AKT3: variants seen among roughly 807,000 people sequenced by gnomAD.
AKT3 encodes the protein RAC-gamma serine/threonine-protein kinase.
Under a neutral mutation model 65.3 loss-of-function variants are expected in AKT3, and 15 were observed. That is an observed-to-expected ratio of 0.23 (90% CI 0.15 to 0.35). The LOEUF (loss-of-function observed/expected upper bound fraction) is 0.35. AKT3 is among the 10% of genes least tolerant of loss of function. AKT3 has a pLI of 1.00. For synonymous variants in AKT3, 206 were observed against 183.8 expected (o/e 1.12, Z -0.98); for missense variants, 243 against 576.5 (o/e 0.42, Z 5.92).
At chr1:243,843,430 A>G in intron 1 of AKT3, 148 bp from the exon 2 acceptor site, 1 of 1,092,178 alleles carries the variant, frequency 9.2e-7, no homozygotes, top group Non-Finnish European at 1.2e-6. Flanking sequence ...TATTTATTAA[A>G]TAGTTCTATA....
At chr1:243,533,465 A>C (rs771676174) in intron 12 of AKT3, among the ~76,000 whole-genome samples, 3 of 152,246 alleles carry the variant, frequency 2.0e-5, no homozygotes, top group Non-Finnish European at 4.4e-5. Flanking sequence ...TGGCAATTGT[A>C]CTATCTGTGA....
intron 2 of AKT3, chr1:243,740,767 T>C (rs1244265320): frequency 6.6e-6 from 1 of 152,218 alleles, no homozygotes; most frequent in Admixed American, 6.5e-5. Context: ...AGCAGGTCAT[T>C]TGGCTCTCAA....
intron 12 of AKT3, among the ~76,000 whole-genome samples, chr1:243,544,691 G>C (rs935510401): frequency 1.5e-5 from 1 of 65,700 alleles, no homozygotes; most frequent in African/African-American, 3.5e-5. Context: ...ATTAGTAGTG[G>C]TTTTTTGTTT....
At chr1:243,781,994 T>G (rs1223249397) in intron 2 of AKT3, among the ~76,000 whole-genome samples, 1 of 152,138 alleles carries the variant, frequency 6.6e-6, no homozygotes, top group African/African-American at 2.4e-5. Context: ...AGCTAACTTT[T>G]GTATTTTTTG....
At chr1:243,705,015 C>T (rs320341) in intron 2 of AKT3, among the ~76,000 whole-genome samples, 7,171 of 152,080 alleles carry the variant, frequency 0.047, 578 homozygotes, top group African/African-American at 0.16. Context: ...GTTGTGCTTC[C>T]GAGATGTCTT....
intron 2 of AKT3, among the ~76,000 whole-genome samples, chr1:243,768,270 T>C (rs1265604644): frequency 6.6e-6 from 1 of 152,008 alleles, no homozygotes; most frequent in Admixed American, 6.6e-5. Context: ...GTGACACAAG[T>C]AGGAGCTTAT....
intron 2 of AKT3, among the ~76,000 whole-genome samples, chr1:243,823,726 C>T (rs1238853609): frequency 6.6e-6 from 1 of 151,816 alleles, no homozygotes; most frequent in African/African-American, 2.4e-5. Context: ...AAGTGAAGGA[C>T]CTTTTCAAGG....
At chr1:243,832,717 G>C (rs944719616) in intron 2 of AKT3, among the ~76,000 whole-genome samples, 1 of 152,110 alleles carries the variant, frequency 6.6e-6, no homozygotes, top group Non-Finnish European at 1.5e-5. Flanking sequence ...CTAGTTTGAA[G>C]AGACAGAGTT....
intron 2 of AKT3, among the ~76,000 whole-genome samples, chr1:243,768,361 C>T (rs1357720075): frequency 6.6e-6 from 1 of 152,094 alleles, no homozygotes; most frequent in Non-Finnish European, 1.5e-5. Flanking sequence ...CCATTGCTAA[C>T]AGTTTTTTCA....
At position 243,587,626 on chromosome 1, in the gene AKT3, AATAC is replaced by A. The variant is rs898804466; in HGVS notation, c.697-14582_697-14579del. Among the ~76,000 whole-genome samples, 6 of 152,084 alleles carry A rather than the reference AATAC, an allele frequency of 3.9e-5. No individual in the cohort carries two copies. The South Asian group carries it at 8.3e-4, about 21-fold the overall frequency. On this transcript the variant is annotated intron_variant, in intron 8 of 13. Transcript: ENST00000673466. ...ACTCCGTCTCAAAAATACATACATA[AATAC>A]ATACATACATACATAAAAATATAGA...
intron 8 of AKT3, among the ~76,000 whole-genome samples, chr1:243,595,907 A>G (rs1400132366): frequency 2.2e-4 from 33 of 152,226 alleles, no homozygotes; most frequent in Admixed American, 2.2e-3. Flanking sequence ...AAGAAGTAAC[A>G]CAGTCATGTA....
intron 9 of AKT3, 72 bp downstream of exon 9, chr1:243,572,854 T>TTGTGTGTG: frequency 7.1e-7 from 1 of 1,416,836 alleles, no homozygotes; most frequent in Non-Finnish European, 9.4e-7. Flanking sequence ...CTGTATAACT[T>TTGTGTGTG]TGTAATTACT....
chr1:243,562,152 G>A (rs998419026), intron 10 of AKT3, among the ~76,000 whole-genome samples: 2 of 152,126 alleles, frequency 1.3e-5, no homozygotes, highest in African/African-American at 4.8e-5. Flanking sequence ...CCATAAAAAG[G>A]AATGAAATAA....
At chr1:243,759,880 G>T (rs1373343406) in intron 2 of AKT3, among the ~76,000 whole-genome samples, 2 of 152,170 alleles carry the variant, frequency 1.3e-5, no homozygotes, top group African/African-American at 2.4e-5. Flanking sequence ...AATTTAAAAT[G>T]TAAGACAAAA....
intron 12 of AKT3, among the ~76,000 whole-genome samples, chr1:243,521,500 G>T (rs1431627781): frequency 6.6e-6 from 1 of 152,166 alleles, no homozygotes; most frequent in Non-Finnish European, 1.5e-5. Context: ...TGGGTATGTG[G>T]CATACATTAT....
intron 2 of AKT3, among the ~76,000 whole-genome samples, chr1:243,701,795 G>A (rs895255689): frequency 1.3e-5 from 2 of 151,924 alleles, no homozygotes; most frequent in Non-Finnish European, 1.5e-5. Flanking sequence ...AGTCTTCAAA[G>A]CTAATCACTG....
At chr1:243,617,719 G>T (rs1678437007) in intron 6 of AKT3, among the ~76,000 whole-genome samples, 1 of 152,114 alleles carries the variant, frequency 6.6e-6, no homozygotes, top group South Asian at 2.1e-4. Flanking sequence ...TGACATGTTT[G>T]TGAAAGTCTA....
intron 8 of AKT3, among the ~76,000 whole-genome samples, chr1:243,613,202 T>C (rs186838802): frequency 4.0e-4 from 59 of 146,688 alleles, no homozygotes; most frequent in African/African-American, 1.5e-3. Context: ...CACACACACA[T>C]ATATATATAT....
intron 3 of AKT3, among the ~76,000 whole-genome samples, chr1:243,683,498 T>C (rs547079072): frequency 1.3e-5 from 2 of 152,168 alleles, no homozygotes; most frequent in African/African-American, 2.4e-5. Flanking sequence ...GTGCAAATGG[T>C]TGTTATTTGA....
Sources: gnomAD v4.1 joint callset for allele counts (sites outside exome capture counted in the v4.1 genomes callset) on GRCh38, gnomAD v4.1.1 for gene constraint, MANE v1.5 for transcripts, NCBI Gene and HGNC (gene_info 2026-07-23, HGNC 2026-07-21) for gene names.